Variants in DDX60L observed in about 807,000 individuals in gnomAD.
DDX60L encodes probable ATP-dependent RNA helicase DDX60-like.
DDX60L carries 191 observed loss-of-function variants against 211.6 expected under a neutral mutation model. The ratio of observed to expected loss-of-function variants is 0.90; its 90% CI spans 0.80 to 1.02. The LOEUF is 1.02. Among genes scored for constraint, DDX60L ranks in the 50% least tolerant of loss-of-function variants. DDX60L has a pLI of 0.00. For missense variants in DDX60L, 2,007 were observed against 1,984.1 expected (o/e 1.01, Z -0.22); for synonymous variants, 706 against 694.1 (o/e 1.02, Z -0.27).
At chr4:168,430,413 A>G in intron 13 of DDX60L, 65 bp downstream of exon 13, 1 of 1,404,168 alleles carries the variant, frequency 7.1e-7, no homozygotes, top group African/African-American at 1.4e-5. Context: ...CCAGAGACAA[A>G]TATGAGCCTA....
At chr4:168,467,847 T>C (rs7690913) in intron 4 of DDX60L, among the ~76,000 whole-genome samples, 64,891 of 152,000 alleles carry the variant, frequency 0.43, 14,183 homozygotes, top group South Asian at 0.5. Flanking sequence ...ATGATCCTGA[T>C]ACCAAAACCA....
At chr4:168,369,488 A>AAAAAC (rs1553987223) in intron 36 of DDX60L, among the ~76,000 whole-genome samples, 76 of 147,068 alleles carry the variant, frequency 5.2e-4, no homozygotes, top group Non-Finnish European at 9.4e-4. Flanking sequence ...AAAAACAAAA[A>AAAAAC]AAAAAAAACA....
At chr4:168,384,899 C>T (rs969520690) in intron 29 of DDX60L, 87 bp from the exon 30 acceptor site, 4 of 1,312,726 alleles carry the variant, frequency 3.0e-6, no homozygotes, top group Non-Finnish European at 4.3e-6. Context: ...CACTTGTTAT[C>T]CGGGATTGTG....
intron 1 of DDX60L, among the ~76,000 whole-genome samples, chr4:168,478,701 C>T (rs1301389959): frequency 6.6e-6 from 1 of 152,108 alleles, no homozygotes; most frequent in East Asian, 1.9e-4. Context: ...ATATATAATT[C>T]ATATTAGAAG....
intron 9 of DDX60L, among the ~76,000 whole-genome samples, chr4:168,442,977 C>T (rs1754178418): frequency 6.6e-6 from 1 of 152,220 alleles, no homozygotes; most frequent in African/African-American, 2.4e-5. Context: ...CGCCTCTCCT[C>T]CTCCAAAGGA....
chr4:168,437,522 C>T (rs943746501), intron 10 of DDX60L, among the ~76,000 whole-genome samples: 1 of 152,116 alleles, frequency 6.6e-6, no homozygotes, highest in African/African-American at 2.4e-5. Context: ...CCAAGGTTAC[C>T]CCAGAGAAAC....
intron 36 of DDX60L, among the ~76,000 whole-genome samples, chr4:168,363,963 A>G (rs1739526810): frequency 6.6e-6 from 1 of 152,190 alleles, no homozygotes; most frequent in Admixed American, 6.5e-5. Context: ...AAAAAGAAAA[A>G]TAAAAAATTA....
At position 168,427,156 on chromosome 4, in the gene DDX60L, C is replaced by G. The variant is rs141625924; in HGVS notation, c.1844G>C (p.Cys615Ser). ...IRKLEDYLTS[C>S]ASNSVKFGVE... is the part of the protein sequence containing the mutation. ...TCCAAATTTCACTGAATTACTTGCACATGATGTCAAATAATCTTCCAATTT... is the reference window on the plus strand; with the variant it reads ...TCCAAATTTCACTGAATTACTTGCAGATGATGTCAAATAATCTTCCAATTT... Residue 615 changes from cysteine (C) to serine (S), a missense_variant, in exon 14 of 38, where the codon TGT (cysteine) becomes TCT (serine). Physicochemically the swap from Cys to Ser is moderately radical, Grantham distance 112. Transcript: ENST00000682922. 1.1e-4 allele frequency: 173 copies of G among 1,610,638 alleles called. 1 individual carries two copies. The highest frequency in any genetic ancestry group is 3.9e-4 in the African/African-American group (29 of 75,036).
intron 17 of DDX60L, 118 bp downstream of exon 17, chr4:168,421,642 A>G (rs1010608914): frequency 2.1e-5 from 29 of 1,363,460 alleles, no homozygotes; most frequent in Non-Finnish European, 2.6e-5. Context: ...GTGACAGAGC[A>G]AGACTCTGTC....
chr4:168,415,662 C>A lies in DDX60L; in HGVS notation c.2864G>T (p.Arg955Ile). Reference protein sequence around the residue: ...HSYKNQSYEVRLVLCGERYND... With the variant: ...HSYKNQSYEVILVLCGERYND... The stretch of plus-strand genomic sequence containing the variant: ...CATAAAAAAAATAAGCTTACCAAGT[C>A]TAACTTCATATGATTGATTTTTATA... The change falls in exon 21 of 38, where the codon AGA (arginine) becomes ATA (isoleucine). Residue 955 changes from arginine to isoleucine, a missense_variant. Physicochemically the swap from Arg to Ile is moderately conservative, Grantham distance 97. Transcript: ENST00000682922. 1 of 1,579,232 alleles carries A rather than the reference C, an allele frequency of 6.3e-7. No homozygotes were observed. Among genetic ancestry groups the A allele is most frequent in the South Asian group, 1.2e-5 (1 of 82,920 alleles).
intron 4 of DDX60L, chr4:168,470,804 C>A (rs1303668592): frequency 8.3e-6 from 2 of 239,840 alleles, no homozygotes; most frequent in South Asian, 4.1e-5. Flanking sequence ...CACGGCATTG[C>A]ACTTCAGCCT....
chr4:168,378,506 A>C, intron 32 of DDX60L, 31 bp from the exon 33 acceptor site: 2 of 1,469,424 alleles, frequency 1.4e-6, no homozygotes, highest in Non-Finnish European at 1.8e-6. Flanking sequence ...ATTATAAATA[A>C]GAATAATGTT....
At chr4:168,471,190 A>T (rs1264527129) in intron 4 of DDX60L, among the ~76,000 whole-genome samples, 1 of 152,222 alleles carries the variant, frequency 6.6e-6, no homozygotes, top group Non-Finnish European at 1.5e-5. Context: ...AGTGTTTCAG[A>T]GTTAAATGTA....
At chr4:168,473,110 C>A (rs1411943625) in intron 1 of DDX60L, among the ~76,000 whole-genome samples, 1 of 152,114 alleles carries the variant, frequency 6.6e-6, no homozygotes, top group Non-Finnish European at 1.5e-5. Flanking sequence ...TGTGCAAAGG[C>A]CCTGTGACAG....
At chr4:168,373,487 C>G (rs1158659015) in intron 35 of DDX60L, among the ~76,000 whole-genome samples, 179 bp downstream of exon 35, 2 of 152,180 alleles carry the variant, frequency 1.3e-5, no homozygotes, top group African/African-American at 4.8e-5. Context: ...GTTTCTCAGG[C>G]CAACTCCATA....
At position 168,448,687 on chromosome 4, in the gene DDX60L, C is replaced by T. The variant is rs1196226090; in HGVS notation, c.1089G>A (p.Glu363=). The T allele has an allele frequency of 1.3e-6, 2 of 1,596,482 alleles. No homozygotes were observed. The highest frequency in any genetic ancestry group is 2.2e-5 in the South Asian group (2 of 89,886). ...NLNHVSDLYD[E]QLLKNIAFYY... ...AGAAGGCTATATTCTTTAACAATTGCTCATCATACAAGTCAGAAACATGAT... is the reference window on the plus strand; with the variant it reads ...AGAAGGCTATATTCTTTAACAATTGTTCATCATACAAGTCAGAAACATGAT... Residue 363 remains glutamate, a synonymous_variant, in exon 9 of 38, where the codon GAG becomes GAA. Coordinates refer to ENST00000682922, the MANE Select transcript of DDX60L (RefSeq NM_001012967.3).
At chr4:168,401,950 A>G (rs780470959) in intron 25 of DDX60L, among the ~76,000 whole-genome samples, 5 of 152,176 alleles carry the variant, frequency 3.3e-5, no homozygotes, top group Admixed American at 6.5e-5. Context: ...TGGCTTCAAT[A>G]TATTAACTAA....
At position 168,375,487 on chromosome 4, in the gene DDX60L, G is replaced by A; in HGVS notation, c.4523C>T (p.Ala1508Val). The A allele has an allele frequency of 6.2e-7, 1 of 1,612,578 alleles. No individual in the cohort carries two copies. Residue 1508 changes from alanine (A) to valine (V), a missense_variant, in exon 34 of 38, where the codon GCT (alanine) becomes GTT (valine). By Grantham distance (64) the Ala-to-Val change is moderately conservative. Coordinates refer to ENST00000682922, the MANE Select transcript of DDX60L (RefSeq NM_001012967.3). Reference protein sequence around the residue: ...LAELPEDFKAALYEYNLAVMK... With the variant: ...LAELPEDFKAVLYEYNLAVMK... Reference sequence around the variant, plus strand: ...TACTGCCAGGTTATACTCATATAAAGCAGCTTTAAAATCCTCCGGGAGTTC... The same window carrying A: ...TACTGCCAGGTTATACTCATATAAAACAGCTTTAAAATCCTCCGGGAGTTC...
rs1437305877 is a variant in DDX60L at position 168,463,789 on chromosome 4, AAAC to A, written c.265-1752_265-1750del. Among the ~76,000 whole-genome samples, 19 of 152,330 alleles carry A rather than the reference AAAC, an allele frequency of 1.2e-4. No individual in the cohort carries two copies. In the East Asian group the frequency reaches 2.7e-3, roughly 22 times the overall value. On this transcript the variant is annotated intron_variant, in intron 4 of 37. Transcript: ENST00000682922. ...ATATAGACTAGAATTCTTAGGAGTA[AAAC>A]AACAATTGCTTCTAGGAGTAGGATG...
Sources: gnomAD v4.1 joint callset for allele counts (sites outside exome capture counted in the v4.1 genomes callset) on GRCh38, gnomAD v4.1.1 for gene constraint, MANE v1.5 for transcripts, NCBI Gene and HGNC (gene_info 2026-07-23, HGNC 2026-07-21) for gene names.